The following PAX5 variants were observed in gnomAD, a reference collection of about 807,000 sequenced individuals.
PAX5 encodes paired box protein Pax-5.
A neutral mutation model predicts 43.7 loss-of-function variants in PAX5; 9 were observed. That is an observed-to-expected ratio of 0.21 (90% CI 0.12 to 0.36). The LOEUF is 0.36. Among genes scored for constraint, PAX5 ranks in the 10% least tolerant of loss-of-function variants. The pLI is 1.00. For synonymous variants in PAX5, 228 were observed against 214.3 expected, an observed-to-expected ratio of 1.06 and a Z score of -0.56; for missense variants, 383 against 532.7, an observed-to-expected ratio of 0.72 and a Z score of 2.77.
At chr9:36,881,075 T>A (rs1169773118) in intron 8 of PAX5, among the ~76,000 whole-genome samples, 1 of 152,210 alleles carries the variant, frequency 6.6e-6, no homozygotes, top group Non-Finnish European at 1.5e-5. Context: ...TTAATGGTTC[T>A]CACTACAAAG....
At chr9:36,955,785 ATAT>A (rs1833412998) in intron 6 of PAX5, among the ~76,000 whole-genome samples, 4 of 88,794 alleles carry the variant, frequency 4.5e-5, no homozygotes, top group South Asian at 3.2e-4. Context: ...AAAAAAAAAT[ATAT>A]ATATATATAT....
chr9:36,973,549 G>A (rs1835158563), intron 5 of PAX5, among the ~76,000 whole-genome samples: 1 of 152,196 alleles, frequency 6.6e-6, no homozygotes, highest in Non-Finnish European at 1.5e-5. Flanking sequence ...ACCAAATTCA[G>A]ACCATGCTAA....
At chr9:36,894,843 T>C (rs1485915338) in intron 7 of PAX5, among the ~76,000 whole-genome samples, 2 of 152,156 alleles carry the variant, frequency 1.3e-5, no homozygotes, top group African/African-American at 2.4e-5. Context: ...CTGTCAGAAA[T>C]CCTCGATGGC....
intron 7 of PAX5, among the ~76,000 whole-genome samples, chr9:36,887,889 C>G (rs182384126): frequency 3.3e-4 from 50 of 152,074 alleles, no homozygotes; most frequent in Admixed American, 3.1e-3. Flanking sequence ...TGATAAAGGA[C>G]TTGTATCTAG....
chr9:37,025,238 C>T lies in PAX5; in HGVS notation c.47-4437G>A, dbSNP rs560067712. ...GAAAATTGACACAAAGAGAAACTGA[C>T]CTGCCCGCAGCCAGCCCTGGCTGCC... On this transcript the variant is annotated intron_variant, in intron 1 of 9. Transcript: ENST00000358127. 9.2e-5 allele frequency among the ~76,000 whole-genome samples: 14 copies of T among 152,322 alleles called. 1 individual carries two copies. The East Asian group carries it at 2.5e-3, about 27-fold the overall frequency.
rs138383842 is a variant in PAX5, at chr9:37,010,872, A to G, written c.410+4125T>C. ...GTGACTGTTGTGGAGAAGAAAGAGG[A>G]CACAGATAGAGGTCGATGTGAGTGG... On this transcript the variant is annotated intron_variant, in intron 3 of 9. Transcript: ENST00000358127. 1.7e-3 allele frequency among the ~76,000 whole-genome samples: 253 copies of G among 152,252 alleles called. 2 individuals carry two copies. The highest frequency in any genetic ancestry group is 5.7e-3 in the African/African-American group (235 of 41,548).
At position 36,836,856 on chromosome 9, in the gene PAX5, C is replaced by T. The variant is rs886164352; in HGVS notation, c.*3704G>A. ...GTCAGGGCTGGACCCATGTCCAGGC[C>T]TGGTCAGGGATTATGGCATGGCCTT... On this transcript the variant is annotated 3_prime_UTR_variant, in exon 10 of 10. Transcript: ENST00000358127. 4.3e-6 allele frequency: 1 copy of T among 232,396 alleles called. No homozygotes were observed. The highest frequency in any genetic ancestry group is 8.5e-6 in the Non-Finnish European group (1 of 117,584). 14.4% of individuals were successfully genotyped at this position (232,396 alleles called of 1,614,324 possible).
chr9:36,937,712 T>C (rs1563987543), intron 6 of PAX5, among the ~76,000 whole-genome samples: 1 of 152,216 alleles, frequency 6.6e-6, no homozygotes, highest in Non-Finnish European at 1.5e-5. Flanking sequence ...AAATCCTGGC[T>C]GAAGAATGAC....
chr9:36,861,617 G>C (rs2131648946), intron 8 of PAX5, among the ~76,000 whole-genome samples: 2 of 152,010 alleles, frequency 1.3e-5, no homozygotes, highest in Middle Eastern at 6.8e-3. Flanking sequence ...AATATCTGTG[G>C]GAAGGGCCCT....
rs115245719 is a variant in PAX5 at position 36,835,057 on chromosome 9, C to T, written c.*5503G>A. 2.3e-4 allele frequency: 54 copies of T among 233,340 alleles called. No homozygotes were observed. The highest frequency in any genetic ancestry group is 8.4e-4 in the African/African-American group (38 of 45,474). 14.5% of individuals were successfully genotyped at this position (233,340 alleles called of 1,614,324 possible). A position where few individuals can be genotyped will look rare whatever the true frequency, so the allele number is the denominator to read the frequency against. On this transcript the variant is annotated 3_prime_UTR_variant, in exon 10 of 10. Coordinates refer to ENST00000358127, the MANE Select transcript of PAX5 (RefSeq NM_016734.3). ...CACAGGCCAAGTACCCTACCTGAGA[C>T]GACTCCTTTGAGGCTTTGCTGATTG...
rs5897669 is a variant in PAX5 at position 37,006,211 on chromosome 9, A to AT, written c.475+261dup. 0.59 allele frequency among the ~76,000 whole-genome samples: 89,159 copies of AT among 151,348 alleles called. 26,451 individuals are homozygous for AT. Among genetic ancestry groups the AT allele is most frequent in the Middle Eastern group, 0.81 (234 of 290 alleles). On this transcript the variant is annotated intron_variant, in intron 4 of 9. Transcript: ENST00000358127. The stretch of plus-strand genomic sequence containing the variant: ...ACATTCTATAGACCCCCATTAGTGG[A>AT]TTTTTTTTTGGCTTAGATTTCAATT...
intron 4 of PAX5, among the ~76,000 whole-genome samples, chr9:37,005,000 A>G (rs1838267727): frequency 6.6e-6 from 1 of 152,272 alleles, no homozygotes; most frequent in Non-Finnish European, 1.5e-5. Flanking sequence ...GGGACAGAAC[A>G]AAACATGCTG....
At chr9:36,985,978 G>C (rs1165575239) in intron 5 of PAX5, among the ~76,000 whole-genome samples, 1 of 152,180 alleles carries the variant, frequency 6.6e-6, no homozygotes, top group African/African-American at 2.4e-5. Context: ...GAATGATCAA[G>C]AACTCCCATC....
intron 6 of PAX5, among the ~76,000 whole-genome samples, chr9:36,930,424 A>C (rs1831034662): frequency 6.6e-6 from 1 of 151,902 alleles, no homozygotes; most frequent in African/African-American, 2.4e-5. Flanking sequence ...ATGGGGTTTC[A>C]CCATGTTGCT....
intron 7 of PAX5, among the ~76,000 whole-genome samples, chr9:36,919,839 CAAAAAAA>C (rs61173333): frequency 9.5e-4 from 63 of 66,222 alleles, no homozygotes; most frequent in Non-Finnish European, 1.3e-3. Flanking sequence ...GACTCTGTCT[CAAAAAAA>C]AAAAAAAAAA....
In PAX5 at chr9:36,985,416, G is replaced by A. The variant is rs117831039; in HGVS notation, c.604+17232C>T. Among the ~76,000 whole-genome samples, 6 of 152,344 alleles carry A rather than the reference G, an allele frequency of 3.9e-5. No individual in the cohort carries two copies. The East Asian group carries it at 7.7e-4, about 20-fold the overall frequency. On this transcript the variant is annotated intron_variant, in intron 5 of 9. Coordinates refer to ENST00000358127, the MANE Select transcript of PAX5 (RefSeq NM_016734.3). ...CAGAACTGGAAAAGGGGACTCTGGTGTCTGCAACCAGAGGGAAAGCAAGAG... is the reference window on the plus strand; with the variant it reads ...CAGAACTGGAAAAGGGGACTCTGGTATCTGCAACCAGAGGGAAAGCAAGAG...
chr9:36,923,762 T>C (rs765994016), intron 6 of PAX5, among the ~76,000 whole-genome samples: 3 of 152,220 alleles, frequency 2.0e-5, no homozygotes, highest in African/African-American at 4.8e-5. Context: ...GGCCTGCATG[T>C]TGCCCTCACC....
chr9:36,964,820 G>A (rs189786253), intron 6 of PAX5, among the ~76,000 whole-genome samples: 10 of 152,216 alleles, frequency 6.6e-5, no homozygotes, highest in East Asian at 1.9e-4. Flanking sequence ...GTGTGGGGGC[G>A]GCTATGCCCA....
intron 5 of PAX5, among the ~76,000 whole-genome samples, chr9:36,979,152 G>T (rs1418669542): frequency 6.6e-6 from 1 of 152,138 alleles, no homozygotes; most frequent in Admixed American, 6.5e-5. Flanking sequence ...AGATGTACTC[G>T]GACTGGCTCG....
Sources: gnomAD v4.1 joint callset for allele counts (sites outside exome capture counted in the v4.1 genomes callset) on GRCh38, gnomAD v4.1.1 for gene constraint, MANE v1.5 for transcripts, NCBI Gene and HGNC (gene_info 2026-07-23, HGNC 2026-07-21) for gene names.